The following NPRL3 variants were observed in gnomAD, a reference collection of about 807,000 sequenced individuals.
NPRL3 encodes the protein GATOR1 complex protein NPRL3.
NPRL3 carries 23 observed loss-of-function variants against 57.2 expected under a neutral mutation model. The ratio of observed to expected loss-of-function variants is 0.40; its 90% CI spans 0.29 to 0.57. The LOEUF is 0.57. Ranked by LOEUF, NPRL3 falls within the 20% of genes least tolerant of loss-of-function variation. The pLI, the probability that NPRL3 is intolerant of heterozygous loss-of-function variation, is 0.42. For synonymous variants in NPRL3, 333 were observed against 321.1 expected, an observed-to-expected ratio of 1.04 and a Z score of -0.39; for missense variants, 691 against 767.1, an observed-to-expected ratio of 0.90 and a Z score of 1.17.
At chr16:132,352 C>T (rs951879052) in intron 2 of NPRL3, among the ~76,000 whole-genome samples, 1 of 152,148 alleles carries the variant, frequency 6.6e-6, no homozygotes, top group South Asian at 2.1e-4. Context: ...AGTCCTCATC[C>T]GTTCAAGTTT....
intron 2 of NPRL3, among the ~76,000 whole-genome samples, chr16:135,543 A>C (rs1901031847): frequency 7.0e-6 from 1 of 142,898 alleles, no homozygotes; most frequent in African/African-American, 2.6e-5. Flanking sequence ...CGGGAAGCAG[A>C]GGTTGCAGTG....
intron 2 of NPRL3, among the ~76,000 whole-genome samples, chr16:136,714 T>C (rs1901104402): frequency 7.0e-6 from 1 of 143,064 alleles, no homozygotes; most frequent in Non-Finnish European, 1.5e-5. Flanking sequence ...AAAAAAGAAA[T>C]ACATACGCCT....
chr16:88,406 A>AAAAAAAAAAAAAAC (rs1898597006), intron 13 of NPRL3, among the ~76,000 whole-genome samples: 1 of 130,320 alleles, frequency 7.7e-6, no homozygotes, highest in African/African-American at 2.6e-5. Flanking sequence ...AAAAAAAAAA[A>AAAAAAAAAAAAAAC]AAGAACTTGG....
chr16:93,845 G>C (rs1898873192), intron 9 of NPRL3, among the ~76,000 whole-genome samples: 3 of 152,200 alleles, frequency 2.0e-5, no homozygotes. Flanking sequence ...ACAGGCATGA[G>C]CCACCGCACC....
At chr16:96,648 C>A (rs1310000175) in intron 9 of NPRL3, among the ~76,000 whole-genome samples, 67 of 100,206 alleles carry the variant, frequency 6.7e-4, no homozygotes, top group African/African-American at 8.3e-4. Flanking sequence ...CCGTCTCTAC[C>A]AAAAAAAAAA....
intron 3 of NPRL3, among the ~76,000 whole-genome samples, chr16:129,220 G>T (rs1327154992): frequency 1.3e-5 from 2 of 152,172 alleles, no homozygotes; most frequent in Non-Finnish European, 2.9e-5. Flanking sequence ...GCTAATGTGG[G>T]GGGTGGCCAG....
chr16:126,158 C>T (rs62032626), intron 3 of NPRL3: 53,988 of 151,674 alleles, frequency 0.36, 10,507 homozygotes, highest in Non-Finnish European at 0.45. Context: ...GGGAGGATCA[C>T]TTAAGCCCAG....
At chr16:115,452 C>T (rs970124382) in intron 5 of NPRL3, among the ~76,000 whole-genome samples, 5 of 151,288 alleles carry the variant, frequency 3.3e-5, no homozygotes, top group Admixed American at 2.6e-4. Flanking sequence ...GTCAATATCA[C>T]GGCCAGCTGA....
intron 2 of NPRL3, among the ~76,000 whole-genome samples, chr16:132,732 G>C (rs966762443): frequency 4.6e-5 from 7 of 150,864 alleles, no homozygotes; most frequent in South Asian, 2.1e-4. Context: ...TGCAGTGGCG[G>C]GATCTCGGCT....
chr16:127,828 G>A (rs1480710412), intron 3 of NPRL3, among the ~76,000 whole-genome samples: 4 of 150,952 alleles, frequency 2.6e-5, no homozygotes, highest in Non-Finnish European at 4.4e-5. Context: ...ATAACTTTTT[G>A]TATTTTTAGT....
rs1176204727 is a variant in NPRL3 at position 86,042 on chromosome 16, G to A, written c.*663C>T. ...TGGGCCATGCCTCCACCAGCAAGATGTGCACAGGTGACAGGGCTTCTCCAG... is the reference window on the plus strand; with the variant it reads ...TGGGCCATGCCTCCACCAGCAAGATATGCACAGGTGACAGGGCTTCTCCAG... On this transcript the variant is annotated 3_prime_UTR_variant, in exon 14 of 14. Coordinates refer to ENST00000611875, the MANE Select transcript of NPRL3 (RefSeq NM_001077350.3). 5 of 363,642 alleles carry A rather than the reference G, an allele frequency of 1.4e-5. No individual in the cohort carries two copies. The highest frequency in any genetic ancestry group is 8.3e-5 in the African/African-American group (4 of 47,950). The allele number at this position is 363,642 out of a possible 1,614,324, so 22.5% of individuals were successfully genotyped here.
At chr16:121,542 C>T (rs1327727562) in intron 3 of NPRL3, among the ~76,000 whole-genome samples, 2 of 151,704 alleles carry the variant, frequency 1.3e-5, no homozygotes, top group African/African-American at 4.8e-5. Context: ...ATCGCTTGAA[C>T]CTGGGCGGCA....
At chr16:101,672 G>C (rs1308214205) in intron 7 of NPRL3, among the ~76,000 whole-genome samples, 1 of 152,042 alleles carries the variant, frequency 6.6e-6, no homozygotes, top group Non-Finnish European at 1.5e-5. Flanking sequence ...TCTGACTACC[G>C]CTCCCCACAC....
At chr16:130,614 G>T (rs1361948976) in intron 2 of NPRL3, 23 bp from the exon 3 acceptor site, 1 of 1,551,296 alleles carries the variant, frequency 6.4e-7, no homozygotes, top group South Asian at 1.2e-5. Flanking sequence ...GAAAAGAGGG[G>T]AAGGGCTAAG....
chr16:92,782 C>T (rs907326715), intron 10 of NPRL3, 57 bp from the exon 11 acceptor site: 2 of 1,598,342 alleles, frequency 1.3e-6, no homozygotes, highest in African/African-American at 2.7e-5. Flanking sequence ...GTGTTCTCAA[C>T]ACTGGCCTCA....
chr16:95,325 G>GTA lies in NPRL3; in HGVS notation c.925-2002_925-2001dup, dbSNP rs780432969. On this transcript the variant is annotated intron_variant, in intron 9 of 13. Coordinates refer to ENST00000611875, the MANE Select transcript of NPRL3 (RefSeq NM_001077350.3). The stretch of plus-strand genomic sequence containing the variant: ...AATACAAAATAAAATGTTTGTGTGT[G>GTA]TATATATATATATATATATATATAT... 2.7e-3 allele frequency among the ~76,000 whole-genome samples: 280 copies of GTA among 102,190 alleles called. 1 individual carries two copies. Among genetic ancestry groups the GTA allele is most frequent in the East Asian group, 3.3e-3 (10 of 3,006 alleles). 67.0% of individuals were successfully genotyped at this position (102,190 alleles called of 152,430 possible).
intron 7 of NPRL3, among the ~76,000 whole-genome samples, chr16:103,076 G>C (rs1232402192): frequency 6.6e-6 from 1 of 152,030 alleles, no homozygotes; most frequent in Non-Finnish European, 1.5e-5. Flanking sequence ...CAAGCGAGAG[G>C]TGGCCCCATG....
chr16:123,639 C>T (rs1567144673), intron 3 of NPRL3: 1 of 453,512 alleles, frequency 2.2e-6, no homozygotes, highest in Non-Finnish European at 4.6e-6. Flanking sequence ...AAAAACTGCA[C>T]AAAAGTCTAG....
intron 3 of NPRL3, among the ~76,000 whole-genome samples, chr16:120,141 G>GTACT (rs1431362875): frequency 1.3e-5 from 2 of 152,108 alleles, no homozygotes; most frequent in African/African-American, 2.4e-5. Context: ...AAACACAAAT[G>GTACT]TACTACCTCT....
Sources: gnomAD v4.1 joint callset for allele counts (sites outside exome capture counted in the v4.1 genomes callset) on GRCh38, gnomAD v4.1.1 for gene constraint, MANE v1.5 for transcripts, NCBI Gene and HGNC (gene_info 2026-07-23, HGNC 2026-07-21) for gene names.